The following XXYLT1 variants were observed in gnomAD, a reference collection of about 807,000 sequenced individuals.
XXYLT1 encodes the protein UDP-xylose:alpha-xyloside alpha-1,3-xylosyltransferase.
A neutral mutation model predicts 28.9 loss-of-function variants in XXYLT1; 20 were observed. The observed-to-expected ratio is 0.69, with a 90% CI of 0.49 to 1.00. The LOEUF is 1.00. Ranked by LOEUF, XXYLT1 falls within the 50% of genes least tolerant of loss-of-function variation. The pLI, the probability that XXYLT1 is intolerant of heterozygous loss-of-function variation, is 0.00. For synonymous variants in XXYLT1, 257 were observed against 253.8 expected, an observed-to-expected ratio of 1.01 and a Z score of -0.12; for missense variants, 542 against 560.1, an observed-to-expected ratio of 0.97 and a Z score of 0.33.
At chr3:195,175,983 G>A in intron 2 of XXYLT1, 1 of 1,172,742 alleles carries the variant, frequency 8.5e-7, no homozygotes. Context: ...TAACACAGAG[G>A]TCATCAGTGT....
rs770178883 is a variant in XXYLT1, at chr3:195,226,869, CA to C, written c.505-14del. 6.2e-6 allele frequency: 10 copies of C among 1,604,368 alleles called. No homozygotes were observed. Among genetic ancestry groups the C allele is most frequent in the African/African-American group, 2.7e-5 (2 of 74,006 alleles). On this transcript the variant is annotated splice_polypyrimidine_tract_variant and intron_variant, in intron 1 of 3. Transcript: ENST00000310380. The stretch of plus-strand genomic sequence containing the variant: ...CGTGGAAGATGACCTGCAGCAGGTG[CA>C]AAAAAAACCAAGGCTCAGCAAACCA...
intron 3 of XXYLT1, among the ~76,000 whole-genome samples, chr3:195,108,859 CT>C (rs1717293570): frequency 6.6e-6 from 1 of 152,196 alleles, no homozygotes; most frequent in African/African-American, 2.4e-5. Context: ...CTCCATGAAG[CT>C]AGAAAGTAAA....
At chr3:195,085,621 G>A (rs897090035) in intron 3 of XXYLT1, among the ~76,000 whole-genome samples, 4 of 152,212 alleles carry the variant, frequency 2.6e-5, no homozygotes, top group African/African-American at 4.8e-5. Context: ...CCTGCGGGCC[G>A]CGGTGGGCAG....
At chr3:195,156,851 G>A (rs953916005) in intron 2 of XXYLT1, among the ~76,000 whole-genome samples, 3 of 152,060 alleles carry the variant, frequency 2.0e-5, no homozygotes, top group Admixed American at 6.6e-5. Flanking sequence ...CTCCAGTGTC[G>A]GCCTGCTGTC....
chr3:195,203,048 A>G (rs1318675042), intron 2 of XXYLT1, among the ~76,000 whole-genome samples: 1 of 152,140 alleles, frequency 6.6e-6, no homozygotes, highest in African/African-American at 2.4e-5. Flanking sequence ...GCCTCAAGCA[A>G]TCCTACTGCC....
intron 2 of XXYLT1, among the ~76,000 whole-genome samples, chr3:195,181,267 G>A (rs57047116): frequency 0.063 from 8,994 of 143,474 alleles, 932 homozygotes; most frequent in African/African-American, 0.25. Flanking sequence ...GTGTATCTGC[G>A]TGGCTGCGTG....
chr3:195,171,887 TAC>T (rs1721421072), intron 2 of XXYLT1, among the ~76,000 whole-genome samples: 2 of 152,316 alleles, frequency 1.3e-5, no homozygotes, highest in Admixed American at 6.5e-5. Context: ...AACATCCAGG[TAC>T]AGAGTTTGGT....
intron 3 of XXYLT1, among the ~76,000 whole-genome samples, chr3:195,127,758 CAG>C (rs1367546805): frequency 1.4e-5 from 2 of 137,990 alleles, no homozygotes; most frequent in Non-Finnish European, 3.1e-5. Flanking sequence ...CCTTGGGTGA[CAG>C]AGTGAGACAA....
At chr3:195,248,065 C>T in intron 1 of XXYLT1, 1 of 523,562 alleles carries the variant, frequency 1.9e-6, no homozygotes, top group Non-Finnish European at 3.4e-6. Context: ...AGGCTGCCTG[C>T]TCTCCTGGGT....
At chr3:195,151,314 C>T (rs939124660) in intron 3 of XXYLT1, among the ~76,000 whole-genome samples, 9 of 152,052 alleles carry the variant, frequency 5.9e-5, no homozygotes, top group Non-Finnish European at 7.4e-5. Context: ...GAGGCTGAGG[C>T]GGGCGGATCA....
chr3:195,232,025 C>G (rs1221931737), intron 1 of XXYLT1, among the ~76,000 whole-genome samples: 1 of 152,024 alleles, frequency 6.6e-6, no homozygotes, highest in African/African-American at 2.4e-5. Flanking sequence ...CTTGGCTTTT[C>G]TTTGCTAGGA....
At chr3:195,148,599 T>C (rs2279631) in intron 3 of XXYLT1, among the ~76,000 whole-genome samples, 35,461 of 152,146 alleles carry the variant, frequency 0.23, 4,730 homozygotes, top group East Asian at 0.57. Context: ...GAGGGCTTCA[T>C]GCCTAGTGAA....
chr3:195,103,362 G>A (rs112666694), intron 3 of XXYLT1, among the ~76,000 whole-genome samples: 332 of 138,618 alleles, frequency 2.4e-3, no homozygotes, highest in East Asian at 0.011. Flanking sequence ...ATCACCCCAC[G>A]CCAGCGGCCT....
chr3:195,249,159 G>A (rs1355149295), intron 1 of XXYLT1, among the ~76,000 whole-genome samples: 15 of 152,126 alleles, frequency 9.9e-5, no homozygotes, highest in East Asian at 1.9e-4. Flanking sequence ...GGCCAAGTGC[G>A]GCACCAGCAG....
At chr3:195,169,113 G>A (rs1052978844) in intron 2 of XXYLT1, among the ~76,000 whole-genome samples, 1 of 152,154 alleles carries the variant, frequency 6.6e-6, no homozygotes, top group African/African-American at 2.4e-5. Context: ...CTGGGCTGGA[G>A]GCCTCTAAAG....
At chr3:195,123,306 C>T (rs1258115427) in intron 3 of XXYLT1, among the ~76,000 whole-genome samples, 4 of 152,088 alleles carry the variant, frequency 2.6e-5, no homozygotes, top group African/African-American at 7.2e-5. Flanking sequence ...GCCTAAACCC[C>T]GCCATCAGCA....
chr3:195,262,125 G>A (rs1262854293), intron 1 of XXYLT1, among the ~76,000 whole-genome samples: 2 of 152,202 alleles, frequency 1.3e-5, no homozygotes, highest in African/African-American at 4.8e-5. Flanking sequence ...TGGATGATGT[G>A]GTTTATCCAT....
chr3:195,192,280 C>T (rs1722454471), intron 2 of XXYLT1, among the ~76,000 whole-genome samples: 1 of 152,004 alleles, frequency 6.6e-6, no homozygotes, highest in Non-Finnish European at 1.5e-5. Context: ...CAAAAATTCG[C>T]CAGGTGTGGT....
chr3:195,253,366 T>C (rs1725346514), intron 1 of XXYLT1, among the ~76,000 whole-genome samples: 1 of 152,154 alleles, frequency 6.6e-6, no homozygotes, highest in South Asian at 2.1e-4. Context: ...CCCGTTTCAT[T>C]TCCCAAGGCC....
Sources: allele counts gnomAD v4.1 joint callset (sites outside exome capture counted in the v4.1 genomes callset), GRCh38; gene constraint gnomAD v4.1.1; transcripts MANE v1.5; gene names NCBI Gene and HGNC (gene_info 2026-07-23, HGNC 2026-07-21).